The following PRKCQ variants were observed in gnomAD, a reference collection of about 807,000 sequenced individuals.
PRKCQ encodes the protein protein kinase C theta.
Under a neutral mutation model 91.2 loss-of-function variants are expected in PRKCQ, and 41 were observed. The ratio of observed to expected loss-of-function variants is 0.45; its 90% CI spans 0.35 to 0.58. The LOEUF is 0.58. PRKCQ is among the 20% of genes least tolerant of loss of function. The pLI is 0.00. For synonymous variants in PRKCQ, 307 were observed against 316.9 expected (o/e 0.97, Z 0.33); for missense variants, 673 against 896.5 (o/e 0.75, Z 3.18).
At chr10:6,481,201 C>T (rs943056066) in intron 11 of PRKCQ, among the ~76,000 whole-genome samples, 2 of 152,152 alleles carry the variant, frequency 1.3e-5, no homozygotes, top group African/African-American at 4.8e-5. Flanking sequence ...CTTGGGATAC[C>T]GACTAAGGCT....
Position 6,515,063 on chromosome 10 carries a change from C to T in PRKCQ, c.73G>A (p.Val25Ile), listed in dbSNP as rs768925235. ...ACGAGCACAGCACAGTAAGGGTTAA[C>T]AGCCTCGCCCTGACAAGACTGGCAG... ...GSCQSCQGEA[V>I]NPYCAVLVKE... Residue 25 changes from valine to isoleucine, a missense_variant, in exon 2 of 18, where the codon GTT (valine) becomes ATT (isoleucine). Coordinates refer to ENST00000263125, the MANE Select transcript of PRKCQ (RefSeq NM_006257.5). The T allele has an allele frequency of 1.9e-6, 3 of 1,613,746 alleles. No homozygotes were observed. Among genetic ancestry groups the T allele is most frequent in the Non-Finnish European group, 2.5e-6 (3 of 1,179,934 alleles).
chr10:6,442,188 G>T (rs1246094644), intron 15 of PRKCQ, 107 bp from the exon 16 acceptor site: 3 of 1,095,930 alleles, frequency 2.7e-6, no homozygotes, highest in Non-Finnish European at 3.9e-6. Flanking sequence ...GGATGATGGT[G>T]TGCAAGAAAG....
chr10:6,433,903 C>T lies in PRKCQ; in HGVS notation c.1837-2965G>A, dbSNP rs193149699. On this transcript the variant is annotated intron_variant, in intron 16 of 17. Transcript: ENST00000263125. ...AAAATTAGCCGGGTGTGGTGGTGGA[C>T]GCCTGTAACCCCAGCTATGCGGGAG... is the stretch of plus-strand genomic sequence containing the variant. 4.0e-3 allele frequency among the ~76,000 whole-genome samples: 614 copies of T among 151,780 alleles called. 5 individuals are homozygous for T. The highest frequency in any genetic ancestry group is 0.014 in the African/African-American group (588 of 41,346).
At chr10:6,449,792 G>C (rs1345982737) in intron 15 of PRKCQ, among the ~76,000 whole-genome samples, 2 of 152,142 alleles carry the variant, frequency 1.3e-5, no homozygotes, top group Admixed American at 1.3e-4. Context: ...CATTCTTAAA[G>C]AAAAGAATTT....
intron 1 of PRKCQ, among the ~76,000 whole-genome samples, chr10:6,520,221 C>G (rs1335799623): frequency 6.6e-6 from 1 of 152,194 alleles, no homozygotes; most frequent in East Asian, 1.9e-4. Flanking sequence ...CCTGCCTTCC[C>G]TTTCAAACTT....
intron 12 of PRKCQ, among the ~76,000 whole-genome samples, chr10:6,468,173 TATC>T (rs1437701114): frequency 6.6e-6 from 1 of 152,234 alleles, no homozygotes; most frequent in Non-Finnish European, 1.5e-5. Context: ...TGTCAAAATA[TATC>T]ATTATTTAAA....
At chr10:6,571,275 T>C (rs1392101246) in intron 1 of PRKCQ, among the ~76,000 whole-genome samples, 1 of 152,142 alleles carries the variant, frequency 6.6e-6, no homozygotes, top group African/African-American at 2.4e-5. Context: ...AAGTGCATCA[T>C]CTCACACAAC....
At chr10:6,440,111 G>A (rs1833895232) in intron 16 of PRKCQ, among the ~76,000 whole-genome samples, 1 of 152,180 alleles carries the variant, frequency 6.6e-6, no homozygotes, top group Admixed American at 6.5e-5. Flanking sequence ...CTCTCCTGCT[G>A]CCCTGTGAAG....
chr10:6,493,062 A>G (rs1404994489), intron 7 of PRKCQ, among the ~76,000 whole-genome samples: 1 of 152,192 alleles, frequency 6.6e-6, no homozygotes, highest in African/African-American at 2.4e-5. Context: ...TTAATAGGTC[A>G]AGGTCCAGGC....
chr10:6,514,918 A>C, intron 2 of PRKCQ, 100 bp downstream of exon 2: 1 of 1,575,114 alleles, frequency 6.3e-7, no homozygotes, highest in Non-Finnish European at 8.6e-7. Context: ...ATTTGGTTCC[A>C]CCAGATGATG....
the PRKCQ span, among the ~76,000 whole-genome samples, chr10:6,418,919 C>T: frequency 6.6e-6 from 1 of 151,954 alleles, no homozygotes; most frequent in Admixed American, 6.5e-5. Context: ...TCCATCTGTC[C>T]ATTCATTTAT....
the PRKCQ span, among the ~76,000 whole-genome samples, chr10:6,395,348 A>G: frequency 9.2e-5 from 14 of 151,480 alleles, no homozygotes; most frequent in Admixed American, 2.0e-4. Context: ...ACAGGCGTGA[A>G]CCAGCGCGCC....
chr10:6,505,611 T>C (rs200717461), intron 4 of PRKCQ, among the ~76,000 whole-genome samples: 51 of 102,582 alleles, frequency 5.0e-4, no homozygotes, highest in Non-Finnish European at 1.1e-3. Flanking sequence ...CCTCTCTCTC[T>C]CTCCCTTCCT....
Position 6,497,086 on chromosome 10 carries a change from A to G in PRKCQ, c.609T>C (p.Asp203=), listed in dbSNP as rs1564352673. The part of the protein sequence containing the change: ...CNAAIHKKCI[D]KVIAKCTGSA... ...ATCCTGTGCACTTTGCTATAACTTT[A>G]TCAATACACTTCTTGTGAATTGCTG... Residue 203 remains aspartate, a synonymous_variant, in exon 7 of 18, where the codon GAT becomes GAC. Transcript: ENST00000263125. This position sits in a 1 kb window ranked among gnomAD's most constrained non-coding sequence, Gnocchi z 4.5. 1 of 1,613,828 alleles carries G rather than the reference A, an allele frequency of 6.2e-7. No individual in the cohort carries two copies. Among genetic ancestry groups the G allele is most frequent in the South Asian group, 1.1e-5 (1 of 91,054 alleles).
In PRKCQ at chr10:6,485,937, C is replaced by T. The variant is rs778449403; in HGVS notation, c.900+98G>A. On this transcript the variant is annotated intron_variant, in intron 9 of 17. Transcript: ENST00000263125. ...GCCGGTGCTCAGAAATACATCCCGG[C>T]ATTTCCCATAGGGCTGCCACAGGTG... is the stretch of plus-strand genomic sequence containing the variant. 1.2e-4 allele frequency: 130 copies of T among 1,055,064 alleles called. 1 individual carries two copies. The highest frequency in any genetic ancestry group is 1.8e-4 in the Non-Finnish European group (123 of 699,422). The allele number at this position is 1,055,064 out of a possible 1,614,324, so 65.4% of individuals were successfully genotyped here. A position where few individuals can be genotyped will look rare whatever the true frequency, so the allele number is the denominator to read the frequency against.
intron 14 of PRKCQ, among the ~76,000 whole-genome samples, chr10:6,458,431 A>G (rs1286042092): frequency 6.6e-6 from 1 of 152,162 alleles, no homozygotes; most frequent in African/African-American, 2.4e-5. Context: ...ATCAGGACCC[A>G]GGGGAGAACT....
At position 6,444,542 on chromosome 10, in the gene PRKCQ, C is replaced by T. The variant is rs145729447; in HGVS notation, c.1648-2461G>A. Among the ~76,000 whole-genome samples the T allele has an allele frequency of 7.3e-4, 111 of 151,938 alleles. No homozygotes were observed. In the East Asian group the frequency reaches 0.01, roughly 14 times the overall value. On this transcript the variant is annotated intron_variant, in intron 15 of 17. Transcript: ENST00000263125. ...TGACTGCTGCTCCAAGGATGAGTTG[C>T]GGGCAAGTTGCTTTATTAGCCAAAA...
At chr10:6,549,925 C>T (rs1272017116) in intron 1 of PRKCQ, among the ~76,000 whole-genome samples, 3 of 152,118 alleles carry the variant, frequency 2.0e-5, no homozygotes, top group African/African-American at 7.2e-5. Context: ...AGCCACCGCG[C>T]CCGGCTGAAA....
intron 1 of PRKCQ, chr10:6,515,528 A>G (rs781370994): frequency 4.1e-6 from 4 of 983,016 alleles, no homozygotes; most frequent in Non-Finnish European, 4.8e-6. Flanking sequence ...TAATCAGAAA[A>G]TGAGTTTATA....
Sources: allele counts gnomAD v4.1 joint callset (sites outside exome capture counted in the v4.1 genomes callset), GRCh38; gene constraint gnomAD v4.1.1; non-coding constraint Gnocchi (gnomAD v3.1); transcripts MANE v1.5; gene names NCBI Gene and HGNC (gene_info 2026-07-23, HGNC 2026-07-21).